CDH12: variants seen among roughly 807,000 people sequenced by gnomAD.
CDH12 encodes the protein cadherin 12.
A neutral mutation model predicts 74.1 loss-of-function variants in CDH12; 41 were observed. That is an observed-to-expected ratio of 0.55 (90% CI 0.43 to 0.72). CDH12 has a LOEUF of 0.72. Among genes scored for constraint, CDH12 ranks in the 30% least tolerant of loss-of-function variants. The probability of loss-of-function intolerance (pLI) is 0.00; values close to 1 mark genes in which losing one functional copy is unlikely to be tolerated. For missense variants in CDH12, 945 were observed against 977.2 expected (o/e 0.97, Z 0.44); for synonymous variants, 399 against 355.0 (o/e 1.12, Z -1.39).
intron 4 of CDH12, among the ~76,000 whole-genome samples, chr5:22,082,357 TA>T (rs1241237373): frequency 6.6e-6 from 1 of 152,146 alleles, no homozygotes; most frequent in East Asian, 1.9e-4. Flanking sequence ...GGGCCATTAT[TA>T]AGTAACCTAG....
chr5:21,837,478 T>C (rs1270060774), intron 8 of CDH12, among the ~76,000 whole-genome samples: 1 of 152,048 alleles, frequency 6.6e-6, no homozygotes, highest in Non-Finnish European at 1.5e-5. Flanking sequence ...GTTTTTTTTT[T>C]TTTTTTAGCA....
intron 3 of CDH12, among the ~76,000 whole-genome samples, chr5:22,257,177 T>C (rs572042313): frequency 7.9e-5 from 12 of 152,058 alleles, no homozygotes; most frequent in Non-Finnish European, 1.8e-4. Flanking sequence ...TTTCAGAAAG[T>C]GCAGAGTAAG....
chr5:22,231,355 A>G (rs963127993), intron 3 of CDH12, among the ~76,000 whole-genome samples: 1 of 152,060 alleles, frequency 6.6e-6, no homozygotes, highest in African/African-American at 2.4e-5. Context: ...ATTTATGAAG[A>G]ATAACTATGG....
chr5:21,963,321 T>C (rs1446189035), intron 6 of CDH12, among the ~76,000 whole-genome samples: 1 of 152,004 alleles, frequency 6.6e-6, no homozygotes, highest in Non-Finnish European at 1.5e-5. Context: ...TGGAACCTAA[T>C]TAAATTAAGA....
intron 4 of CDH12, among the ~76,000 whole-genome samples, chr5:22,186,261 T>G (rs1561200373): frequency 6.6e-6 from 1 of 152,186 alleles, no homozygotes; most frequent in Non-Finnish European, 1.5e-5. Context: ...CTATTGTCAT[T>G]CAGTAAAATC....
At chr5:21,937,258 G>A (rs9293004) in intron 6 of CDH12, among the ~76,000 whole-genome samples, 25,562 of 151,976 alleles carry the variant, frequency 0.17, 2,559 homozygotes, top group African/African-American at 0.27. Flanking sequence ...TATAAAAGGG[G>A]GATTTTACTC....
chr5:22,257,068 A>G (rs1753344026), intron 3 of CDH12, among the ~76,000 whole-genome samples: 1 of 152,196 alleles, frequency 6.6e-6, no homozygotes, highest in Non-Finnish European at 1.5e-5. Context: ...AAACTAACAC[A>G]GGGACAGAAA....
chr5:22,261,879 T>A (rs977645091), intron 3 of CDH12, among the ~76,000 whole-genome samples: 1 of 151,962 alleles, frequency 6.6e-6, no homozygotes, highest in Non-Finnish European at 1.5e-5. Context: ...GCAGGTGGCT[T>A]ACCCTCAAAC....
At chr5:22,162,356 T>A (rs538599762) in intron 4 of CDH12, among the ~76,000 whole-genome samples, 1 of 152,314 alleles carries the variant, frequency 6.6e-6, no homozygotes, top group Non-Finnish European at 1.5e-5. Flanking sequence ...AGACTCATTA[T>A]ACCCTCCCAC....
At chr5:22,423,929 G>C (rs974413868) in intron 2 of CDH12, among the ~76,000 whole-genome samples, 6 of 148,990 alleles carry the variant, frequency 4.0e-5, no homozygotes, top group Non-Finnish European at 7.4e-5. Flanking sequence ...CGTGAACCTG[G>C]GAGGCGGAGC....
intron 8 of CDH12, among the ~76,000 whole-genome samples, chr5:21,832,912 TAATATTAATATATATC>T (rs1749139495): frequency 2.5e-5 from 2 of 79,850 alleles, no homozygotes; most frequent in African/African-American, 1.7e-4. Context: ...ATATATGATA[TAATATTAATATATATC>T]ATATATTATA....
chr5:22,415,975 C>A (rs1401972522), intron 2 of CDH12, among the ~76,000 whole-genome samples: 1 of 150,404 alleles, frequency 6.6e-6, no homozygotes, highest in Non-Finnish European at 1.5e-5. Context: ...AATGGTGACC[C>A]AGATTATATA....
chr5:22,059,551 A>T (rs2150204191), intron 5 of CDH12, among the ~76,000 whole-genome samples: 1 of 152,250 alleles, frequency 6.6e-6, no homozygotes, highest in South Asian at 2.1e-4. Context: ...TGAACTTATA[A>T]GTCTACACAG....
chr5:21,761,736 G>GAT (rs753873700), intron 12 of CDH12, among the ~76,000 whole-genome samples: 85 of 106,816 alleles, frequency 8.0e-4, no homozygotes, highest in Admixed American at 1.4e-3. Flanking sequence ...TGGATGGATG[G>GAT]ATAGATATAG....
rs187013541 is a variant in CDH12 at position 21,981,115 on chromosome 5, A to G, written c.232-5730T>C. 1.2e-3 allele frequency among the ~76,000 whole-genome samples: 182 copies of G among 152,216 alleles called. 1 individual carries two copies. The highest frequency in any genetic ancestry group is 4.1e-3 in the African/African-American group (170 of 41,560). On this transcript the variant is annotated intron_variant, in intron 5 of 14. Coordinates refer to ENST00000382254, the MANE Select transcript of CDH12 (RefSeq NM_004061.5). The stretch of plus-strand genomic sequence containing the variant: ...GATTAAATGTTATAGTAGTTCTTTA[A>G]TTATAAATTCGAATAATATTTGTTG...
chr5:22,703,405 C>A (rs923607686), intron 1 of CDH12, among the ~76,000 whole-genome samples: 2 of 152,130 alleles, frequency 1.3e-5, no homozygotes, highest in Non-Finnish European at 2.9e-5. Context: ...ATCTGTATGA[C>A]ATTTTCCCAT....
chr5:22,069,860 T>A (rs1741823026), intron 5 of CDH12, among the ~76,000 whole-genome samples: 1 of 152,120 alleles, frequency 6.6e-6, no homozygotes, highest in Non-Finnish European at 1.5e-5. Context: ...CAAACCAATC[T>A]AGGCAGAACT....
At chr5:22,839,975 A>G (rs910070946) in intron 1 of CDH12, among the ~76,000 whole-genome samples, 1 of 152,232 alleles carries the variant, frequency 6.6e-6, no homozygotes, top group Non-Finnish European at 1.5e-5. Flanking sequence ...GATTGAAACC[A>G]CAAAATTAGT....
chr5:22,745,849 C>G (rs112095911), intron 1 of CDH12, among the ~76,000 whole-genome samples: 1 of 152,108 alleles, frequency 6.6e-6, no homozygotes, highest in Non-Finnish European at 1.5e-5. Context: ...TTAATCTGTA[C>G]AGCAAACCAC....
Sources: allele counts gnomAD v4.1 joint callset (sites outside exome capture counted in the v4.1 genomes callset), GRCh38; gene constraint gnomAD v4.1.1; transcripts MANE v1.5; gene names NCBI Gene and HGNC (gene_info 2026-07-23, HGNC 2026-07-21).